The following CSNK1G3 variants were observed in gnomAD, a reference collection of about 807,000 sequenced individuals.
The protein encoded by CSNK1G3 is casein kinase 1 gamma 3.
CSNK1G3 carries 23 observed loss-of-function variants against 64.3 expected under a neutral mutation model. That is an observed-to-expected ratio of 0.36 (90% CI 0.26 to 0.51). CSNK1G3 has a LOEUF of 0.51. Ranked by LOEUF, CSNK1G3 falls within the 20% of genes least tolerant of loss-of-function variation. The pLI, the probability that CSNK1G3 is intolerant of heterozygous loss-of-function variation, is 0.96. For missense variants in CSNK1G3, 357 were observed against 510.5 expected, an observed-to-expected ratio of 0.70 and a Z score of 2.90; for synonymous variants, 158 against 162.2, an observed-to-expected ratio of 0.97 and a Z score of 0.20.
intron 1 of CSNK1G3, among the ~76,000 whole-genome samples, chr5:123,525,053 C>G (rs1230739712): frequency 6.6e-6 from 1 of 152,172 alleles, no homozygotes; most frequent in African/African-American, 2.4e-5. Context: ...TGGCTTTGTG[C>G]TCGGAAAGCA....
At chr5:123,538,990 A>T (rs865867454) in intron 1 of CSNK1G3, among the ~76,000 whole-genome samples, 1 of 152,060 alleles carries the variant, frequency 6.6e-6, no homozygotes, top group South Asian at 2.1e-4. Flanking sequence ...TTTATGATCC[A>T]TTTCAAATTA....
intron 1 of CSNK1G3, among the ~76,000 whole-genome samples, chr5:123,522,409 A>G (rs565495457): frequency 6.6e-6 from 1 of 152,052 alleles, no homozygotes; most frequent in East Asian, 1.9e-4. Flanking sequence ...AGACTGAGGC[A>G]GGAGAATCGC....
In CSNK1G3 at chr5:123,551,155, G is replaced by A. The variant is rs1783570247; in HGVS notation, c.179-1952G>A. Among the ~76,000 whole-genome samples, 3 of 152,128 alleles carry A rather than the reference G, an allele frequency of 2.0e-5. No individual in the cohort carries two copies. The South Asian group carries it at 6.2e-4, about 32-fold the overall frequency. The stretch of plus-strand genomic sequence containing the variant: ...AATAGTTATGAAAAGATGATAATAT[G>A]TTTGGGAAATAAAAATTCTGTCTTG... On this transcript the variant is annotated intron_variant, in intron 2 of 12. Transcript: ENST00000345990.
intron 4 of CSNK1G3, among the ~76,000 whole-genome samples, chr5:123,571,768 GAA>G (rs957119726): frequency 7.0e-6 from 1 of 142,406 alleles, no homozygotes; most frequent in South Asian, 2.2e-4. Context: ...TCAATATACT[GAA>G]AAAAAATCAC....
chr5:123,612,725 C>T (rs1748610352), intron 12 of CSNK1G3, among the ~76,000 whole-genome samples: 2 of 152,074 alleles, frequency 1.3e-5, no homozygotes, highest in Admixed American at 1.3e-4. Context: ...ATCTGCCCAC[C>T]TTGGCCTCCC....
At chr5:123,541,092 T>TC in intron 1 of CSNK1G3, among the ~76,000 whole-genome samples, 2 of 152,342 alleles carry the variant, frequency 1.3e-5, no homozygotes, top group African/African-American at 4.8e-5. Flanking sequence ...GTTGATGGTA[T>TC]TATCTAGATC....
chr5:123,517,425 G>A (rs1162441309), intron 1 of CSNK1G3, among the ~76,000 whole-genome samples: 3 of 151,940 alleles, frequency 2.0e-5, no homozygotes, highest in Admixed American at 6.6e-5. Flanking sequence ...ATAAAAAGGC[G>A]TTTGTATGAG....
intron 4 of CSNK1G3, among the ~76,000 whole-genome samples, chr5:123,572,748 T>C (rs1201485189): frequency 6.6e-6 from 1 of 152,212 alleles, no homozygotes; most frequent in African/African-American, 2.4e-5. Context: ...TTCTCTGCTG[T>C]TTCCAATATC....
intron 1 of CSNK1G3, among the ~76,000 whole-genome samples, chr5:123,519,069 T>A (rs1777652357): frequency 6.6e-6 from 1 of 151,452 alleles, no homozygotes; most frequent in Non-Finnish European, 1.5e-5. Flanking sequence ...AAGTTACTTT[T>A]TGAGACGGAG....
At chr5:123,616,363 G>T (rs950201628) in exon 13 of CSNK1G3, 4 of 152,460 alleles carry the variant, frequency 2.6e-5, no homozygotes, top group Non-Finnish European at 5.9e-5. Flanking sequence ...AGCCTATTTA[G>T]TTTTATTCTC....
intron 4 of CSNK1G3, among the ~76,000 whole-genome samples, chr5:123,560,611 G>C (rs948747701): frequency 1.3e-5 from 2 of 152,226 alleles, no homozygotes; most frequent in African/African-American, 2.4e-5. Context: ...TACTTGGGAG[G>C]CTGAGGTGGG....
chr5:123,591,888 A>G (rs1416747455), intron 10 of CSNK1G3, among the ~76,000 whole-genome samples: 2 of 152,144 alleles, frequency 1.3e-5, no homozygotes, highest in East Asian at 1.9e-4. Flanking sequence ...TCAGGCATAC[A>G]TGGATATGGC....
At chr5:123,572,613 C>T (rs773873084) in intron 4 of CSNK1G3, among the ~76,000 whole-genome samples, 3 of 152,140 alleles carry the variant, frequency 2.0e-5, no homozygotes, top group African/African-American at 7.2e-5. Flanking sequence ...TTCACTGATT[C>T]TTGTCAGAAT....
chr5:123,572,790 A>C (rs543131804), intron 4 of CSNK1G3, among the ~76,000 whole-genome samples: 1 of 152,192 alleles, frequency 6.6e-6, no homozygotes, highest in Non-Finnish European at 1.5e-5. Flanking sequence ...TTAAAGTCTC[A>C]CCTGAATAGG....
At chr5:123,592,335 A>T (rs1005103923) in intron 10 of CSNK1G3, among the ~76,000 whole-genome samples, 1 of 151,990 alleles carries the variant, frequency 6.6e-6, no homozygotes, top group East Asian at 1.9e-4. Context: ...TTAGAGAGGG[A>T]GTAGAGAGTC....
At chr5:123,585,229 A>G (rs1791096402) in intron 6 of CSNK1G3, among the ~76,000 whole-genome samples, 1 of 152,186 alleles carries the variant, frequency 6.6e-6, no homozygotes, top group African/African-American at 2.4e-5. Context: ...AGTTTTGCCA[A>G]GAAACTATAT....
chr5:123,599,272 C>T (rs1014017959), intron 10 of CSNK1G3, among the ~76,000 whole-genome samples: 3 of 152,120 alleles, frequency 2.0e-5, no homozygotes, highest in African/African-American at 7.2e-5. Flanking sequence ...GTTTGGAAAT[C>T]TCTTATAGTT....
chr5:123,612,113 A>G (rs1438802549), intron 12 of CSNK1G3, among the ~76,000 whole-genome samples: 2 of 152,178 alleles, frequency 1.3e-5, no homozygotes, highest in African/African-American at 4.8e-5. Context: ...AGTCACCTCC[A>G]TGAGAGTAAA....
intron 6 of CSNK1G3, among the ~76,000 whole-genome samples, chr5:123,582,349 A>G (rs923762224): frequency 2.0e-5 from 3 of 152,140 alleles, no homozygotes; most frequent in Non-Finnish European, 4.4e-5. Context: ...TCCACTTATT[A>G]GGTACCTAGT....
Sources: allele counts gnomAD v4.1 joint callset (sites outside exome capture counted in the v4.1 genomes callset), GRCh38; gene constraint gnomAD v4.1.1; transcripts MANE v1.5; gene names NCBI Gene and HGNC (gene_info 2026-07-23, HGNC 2026-07-21).